The following ELAC1 variants were observed in gnomAD, a reference collection of about 807,000 sequenced individuals.
The protein encoded by ELAC1 is zinc phosphodiesterase ELAC protein 1.
Under a neutral mutation model 25.8 loss-of-function variants are expected in ELAC1, and 19 were observed. The ratio of observed to expected loss-of-function variants is 0.74; its 90% CI spans 0.51 to 1.08. ELAC1 has a LOEUF of 1.08. Among genes scored for constraint, ELAC1 ranks in the 50% least tolerant of loss-of-function variants. ELAC1 has a pLI of 0.00. For synonymous variants in ELAC1, 148 were observed against 160.9 expected (o/e 0.92, Z 0.61); for missense variants, 403 against 434.6 (o/e 0.93, Z 0.65).
Position 50,987,286 on chromosome 18 carries a change from C to T in ELAC1, c.*201C>T, listed in dbSNP as rs1280837033. 2 of 415,826 alleles carry T rather than the reference C, an allele frequency of 4.8e-6. No individual in the cohort carries two copies. The highest frequency in any genetic ancestry group is 8.4e-6 in the Non-Finnish European group (2 of 237,382). 25.8% of individuals were successfully genotyped at this position (415,826 alleles called of 1,614,324 possible). On this transcript the variant is annotated 3_prime_UTR_variant, in exon 4 of 4. Coordinates refer to ENST00000269466, the MANE Select transcript of ELAC1 (RefSeq NM_018696.3). ...TAAATCTTTTTAAGAGAAAAAAAACCCAGCATCCTTTTTGAAGTCCAGATT... is the reference window on the plus strand; with the variant it reads ...TAAATCTTTTTAAGAGAAAAAAAACTCAGCATCCTTTTTGAAGTCCAGATT...
At chr18:50,980,409 A>G (rs1599148130) in intron 2 of ELAC1, among the ~76,000 whole-genome samples, 1 of 152,220 alleles carries the variant, frequency 6.6e-6, no homozygotes, top group South Asian at 2.1e-4. Flanking sequence ...GAAAACAAAA[A>G]AAACACAACC....
At chr18:50,972,736 G>A (rs1459295026) in intron 1 of ELAC1, among the ~76,000 whole-genome samples, 1 of 152,142 alleles carries the variant, frequency 6.6e-6, no homozygotes, top group Non-Finnish European at 1.5e-5. Context: ...ACCCTCCTCA[G>A]CCTCCCAAAG....
chr18:50,985,065 AGC>A (rs1365586611), intron 3 of ELAC1, among the ~76,000 whole-genome samples: 13 of 152,144 alleles, frequency 8.5e-5, no homozygotes, highest in African/African-American at 3.1e-4. Context: ...TGCTATTTAG[AGC>A]AAAACCCAAG....
intron 1 of ELAC1, 22 bp from the exon 2 acceptor site, chr18:50,974,375 C>A: frequency 6.7e-7 from 1 of 1,503,456 alleles, no homozygotes; most frequent in Non-Finnish European, 8.9e-7. Flanking sequence ...GAAATAATCC[C>A]CAGATGATCT....
intron 2 of ELAC1, among the ~76,000 whole-genome samples, chr18:50,983,253 C>CT (rs1440824340): frequency 2.0e-5 from 3 of 148,736 alleles, no homozygotes; most frequent in Non-Finnish European, 4.4e-5. Flanking sequence ...CCTCCGCCTC[C>CT]TGGGTTCAAG....
chr18:50,968,192 C>G (rs1201974538), intron 1 of ELAC1, 78 bp downstream of exon 1: 1 of 152,044 alleles, frequency 6.6e-6, no homozygotes, highest in African/African-American at 2.4e-5. Context: ...CACGGCCCGG[C>G]GCTGGGGACC....
Position 50,974,459 on chromosome 18 carries a change from C to T in ELAC1, c.55C>T (p.Arg19Trp), listed in dbSNP as rs201522971. 257 of 1,596,960 alleles carry T rather than the reference C, an allele frequency of 1.6e-4. No individual in the cohort carries two copies. Among genetic ancestry groups the T allele is most frequent in the Admixed American group, 7.8e-4 (45 of 57,386 alleles). The change falls in exon 2 of 4, where the codon CGG becomes TGG. Residue 19 changes from arginine (R) to tryptophan (W), a missense_variant. By Grantham distance (101) the Arg-to-Trp change is moderately radical (BLOSUM62 -3). Coordinates refer to ENST00000269466, the MANE Select transcript of ELAC1 (RefSeq NM_018696.3). ...GGGTGCAGCATACCCATCTCCAACC[C>T]GGGGTGCCTCTGCTGTGGTCCTTCG... ...GTGAAYPSPT[R>W]GASAVVLRCE...
rs148368776 is a variant in ELAC1 at position 50,987,046 on chromosome 18, A to C, written c.1053A>C (p.Ala351=). Residue 351 remains alanine, a synonymous_variant, in exon 4 of 4, where the codon GCA becomes GCC. Transcript: ENST00000269466. ...SVLDLQEVTL[A]EDFMVISIPI... ...TAGATCTCCAAGAAGTGACTCTAGC[A>C]GAAGATTTTATGGTGATAAGCATTC... The C allele has an allele frequency of 7.0e-5, 111 of 1,582,056 alleles. 2 individuals are homozygous for C. The East Asian group carries it at 2.5e-3, about 35-fold the overall frequency.
intron 3 of ELAC1, among the ~76,000 whole-genome samples, chr18:50,985,106 C>T (rs1327800731): frequency 6.6e-6 from 1 of 152,182 alleles, no homozygotes; most frequent in African/African-American, 2.4e-5. Flanking sequence ...CTTCATCTCC[C>T]TGGATCCACA....
intron 2 of ELAC1, among the ~76,000 whole-genome samples, chr18:50,983,619 T>C (rs1399208942): frequency 1.3e-5 from 2 of 150,042 alleles, no homozygotes; most frequent in Non-Finnish European, 3.0e-5. Flanking sequence ...GAGGCCAAGG[T>C]GGGATAATTG....
chr18:50,972,923 G>C (rs1253723755), intron 1 of ELAC1, among the ~76,000 whole-genome samples: 2 of 152,038 alleles, frequency 1.3e-5, no homozygotes, highest in African/African-American at 4.8e-5. Context: ...GATTGTTTCT[G>C]TTCCAAAATA....
intron 1 of ELAC1, among the ~76,000 whole-genome samples, chr18:50,971,908 G>GTATATATATATATATA (rs755062125): frequency 2.4e-5 from 3 of 127,254 alleles, no homozygotes; most frequent in African/African-American, 1.0e-4. Flanking sequence ...GTGTGTGTGT[G>GTATATATATATATATA]TGTGTATATA....
intron 1 of ELAC1, among the ~76,000 whole-genome samples, chr18:50,971,906 G>GTA (rs1395917341): frequency 1.1e-3 from 124 of 108,408 alleles, no homozygotes; most frequent in African/African-American, 2.3e-3. Flanking sequence ...ATGTGTGTGT[G>GTA]TGTGTGTATA....
chr18:50,976,595 A>G (rs1456904535), intron 2 of ELAC1, among the ~76,000 whole-genome samples: 2 of 152,096 alleles, frequency 1.3e-5, no homozygotes, highest in Non-Finnish European at 2.9e-5. Flanking sequence ...ACATGTGGGG[A>G]TAATGGGAGC....
rs756167167 is a variant in ELAC1 at position 50,986,828 on chromosome 18, G to A, written c.835G>A (p.Asp279Asn). 3 of 1,614,062 alleles carry A rather than the reference G, an allele frequency of 1.9e-6. No individual in the cohort carries two copies. Among genetic ancestry groups the A allele is most frequent in the Non-Finnish European group, 2.5e-6 (3 of 1,180,032 alleles). ...ADLLIHEATLDDAQMDKAKEH... is the reference protein window; with the variant it reads ...ADLLIHEATLNDAQMDKAKEH... ...CCTGTTGATCCACGAAGCAACCCTG[G>A]ATGATGCCCAGATGGACAAAGCAAA... Residue 279 changes from aspartate to asparagine, a missense_variant, in exon 4 of 4, where the codon GAT becomes AAT. Coordinates refer to ENST00000269466, the MANE Select transcript of ELAC1 (RefSeq NM_018696.3).
At chr18:50,984,721 C>A in intron 3 of ELAC1, 158 bp downstream of exon 3, 1 of 626,950 alleles carries the variant, frequency 1.6e-6, no homozygotes, top group South Asian at 2.0e-5. Context: ...CACTTGAGTT[C>A]GGGAGTTCAA....
intron 1 of ELAC1, 110 bp downstream of exon 1, chr18:50,968,224 A>G (rs1375335153): frequency 2.0e-5 from 3 of 151,576 alleles, no homozygotes; most frequent in Non-Finnish European, 2.9e-5. Context: ...AGCGCCCGGG[A>G]GCGAGGACGC....
intron 1 of ELAC1, among the ~76,000 whole-genome samples, chr18:50,971,862 A>ATATATATGTG (rs1215813235): frequency 6.8e-6 from 1 of 146,328 alleles, no homozygotes; most frequent in African/African-American, 2.5e-5. Context: ...ATATTTATGT[A>ATATATATGTG]TATATATGTG....
chr18:50,973,096 C>T (rs1017977069), intron 1 of ELAC1, among the ~76,000 whole-genome samples: 9 of 152,136 alleles, frequency 5.9e-5, no homozygotes, highest in Admixed American at 2.0e-4. Context: ...AACTTTATTT[C>T]TGGTAATTTT....
Sources: allele counts gnomAD v4.1 joint callset (sites outside exome capture counted in the v4.1 genomes callset), GRCh38; gene constraint gnomAD v4.1.1; transcripts MANE v1.5; gene names NCBI Gene and HGNC (gene_info 2026-07-23, HGNC 2026-07-21).